Variants in DAB1 observed in about 807,000 individuals in gnomAD.
The protein encoded by DAB1 is DAB adaptor protein 1, also known as disabled homolog 1.
Under a neutral mutation model 64.6 loss-of-function variants are expected in DAB1, and 15 were observed. That is an observed-to-expected ratio of 0.23 (90% CI 0.16 to 0.36). The LOEUF is 0.36. Among genes scored for constraint, DAB1 ranks in the 10% least tolerant of loss-of-function variants. The pLI is 1.00. For synonymous variants in DAB1, 235 were observed against 251.9 expected, an observed-to-expected ratio of 0.93 and a Z score of 0.64; for missense variants, 596 against 706.7, an observed-to-expected ratio of 0.84 and a Z score of 1.78.
At chr1:58,127,263 A>C (rs1653172426) in intron 5 of DAB1, among the ~76,000 whole-genome samples, 1 of 152,176 alleles carries the variant, frequency 6.6e-6, no homozygotes, top group Admixed American at 6.5e-5. Flanking sequence ...TCTTCTTTTG[A>C]GAAGTGTCTG....
chr1:57,832,877 T>A (rs1373305215), intron 1 of DAB1, among the ~76,000 whole-genome samples: 1 of 152,184 alleles, frequency 6.6e-6, no homozygotes. Context: ...AAAACTGGCC[T>A]TAGGGAGTTA....
Position 58,209,553 on chromosome 1 carries a change from T to C in DAB1, n.310-58965A>G, listed in dbSNP as rs531650831. Among the ~76,000 whole-genome samples, 7 of 152,230 alleles carry C rather than the reference T, an allele frequency of 4.6e-5. No individual in the cohort carries two copies. In the East Asian group the frequency reaches 9.6e-4, roughly 21 times the overall value. On this transcript the variant is annotated intron_variant and non_coding_transcript_variant, in intron 4 of 20. Coordinates refer to the DAB1 transcript ENST00000485760. ...GAAAAAAAAAGCCACCATTTAGCCA[T>C]TGCATAATGTTTTCTTAAAGACCAG...
intron 4 of DAB1, among the ~76,000 whole-genome samples, chr1:58,242,133 T>C (rs1660323641): frequency 6.6e-6 from 1 of 152,056 alleles, no homozygotes; most frequent in Non-Finnish European, 1.5e-5. Context: ...TATACAACCA[T>C]TGAAAATAAT....
intron 1 of DAB1, among the ~76,000 whole-genome samples, chr1:57,339,285 AG>A (rs1677371730): frequency 6.6e-6 from 1 of 151,940 alleles, no homozygotes; most frequent in East Asian, 1.9e-4. Context: ...CCTCCCGAGC[AG>A]CTGGGACTAC....
At chr1:57,488,180 G>C (rs962957867) in intron 7 of DAB1, among the ~76,000 whole-genome samples, 1 of 152,042 alleles carries the variant, frequency 6.6e-6, no homozygotes, top group South Asian at 2.1e-4. Flanking sequence ...AAGACGGGTG[G>C]ATTACGAGGT....
intron 7 of DAB1, among the ~76,000 whole-genome samples, chr1:57,492,393 G>A (rs573216754): frequency 3.3e-5 from 5 of 152,128 alleles, no homozygotes; most frequent in Non-Finnish European, 5.9e-5. Flanking sequence ...ATTTGGGGTG[G>A]TGCTCTAATA....
At chr1:58,290,167 T>A (rs919933261) in intron 4 of DAB1, among the ~76,000 whole-genome samples, 2 of 152,156 alleles carry the variant, frequency 1.3e-5, no homozygotes, top group African/African-American at 4.8e-5. Flanking sequence ...TTCATGATCA[T>A]GTACTGGGTG....
At chr1:57,443,490 T>C (rs1686027678) in intron 7 of DAB1, among the ~76,000 whole-genome samples, 1 of 152,242 alleles carries the variant, frequency 6.6e-6, no homozygotes, top group South Asian at 2.1e-4. Flanking sequence ...TGACCTTCCT[T>C]ACTACTTTAC....
At chr1:57,381,864 G>C (rs1274516851) in intron 1 of DAB1, among the ~76,000 whole-genome samples, 2 of 152,154 alleles carry the variant, frequency 1.3e-5, no homozygotes, top group East Asian at 3.9e-4. Flanking sequence ...CGAGCTCACT[G>C]CTTTCCCAGA....
intron 6 of DAB1, among the ~76,000 whole-genome samples, chr1:57,741,118 T>C (rs1429910411): frequency 6.6e-6 from 1 of 152,166 alleles, no homozygotes; most frequent in Non-Finnish European, 1.5e-5. Context: ...GACATTAAAT[T>C]TTAAGTGCTG....
At chr1:57,177,281 C>G (rs1374402959) in intron 2 of DAB1, among the ~76,000 whole-genome samples, 1 of 151,938 alleles carries the variant, frequency 6.6e-6, no homozygotes, top group Non-Finnish European at 1.5e-5. Flanking sequence ...ATACATACAC[C>G]CAAGTTCTAA....
At chr1:57,137,277 G>A (rs543867330) in intron 3 of DAB1, among the ~76,000 whole-genome samples, 2 of 152,124 alleles carry the variant, frequency 1.3e-5, no homozygotes, top group African/African-American at 2.4e-5. Context: ...TGTCTCAAAT[G>A]TTTTATAAGC....
chr1:58,126,455 CTTTTTT>C (rs113023484), intron 5 of DAB1, among the ~76,000 whole-genome samples: 30,062 of 146,784 alleles, frequency 0.2, 3,151 homozygotes, highest in East Asian at 0.36. Flanking sequence ...TTCTTTTTTT[CTTTTTT>C]TTTTTTTATT....
Position 57,690,160 on chromosome 1 carries a change from G to C in DAB1, n.552-40495C>G, listed in dbSNP as rs1056883192. 4.6e-5 allele frequency among the ~76,000 whole-genome samples: 7 copies of C among 152,054 alleles called. 1 individual carries two copies. The highest frequency in any genetic ancestry group is 8.8e-5 in the Non-Finnish European group (6 of 67,984). On this transcript the variant is annotated intron_variant and non_coding_transcript_variant, in intron 6 of 20. Transcript: ENST00000485760. ...TATTTTCTTTATTCATTTATCTGTT[G>C]ATGGACACTTAGGTTGCTTCCAAAT...
At chr1:58,431,899 G>A (rs1337156587) in intron 3 of DAB1, among the ~76,000 whole-genome samples, 2 of 152,180 alleles carry the variant, frequency 1.3e-5, no homozygotes, top group Non-Finnish European at 2.9e-5. Flanking sequence ...GAACTCAGAG[G>A]AAAGCGTGAC....
intron 6 of DAB1, among the ~76,000 whole-genome samples, chr1:57,815,082 G>GT (rs1293237922): frequency 6.6e-6 from 1 of 150,944 alleles, no homozygotes; most frequent in Non-Finnish European, 1.5e-5. Context: ...TTGTTTGTTT[G>GT]TTTTTTTGAG....
chr1:57,861,397 T>A (rs1654020818), intron 1 of DAB1, among the ~76,000 whole-genome samples: 1 of 152,200 alleles, frequency 6.6e-6, no homozygotes, highest in African/African-American at 2.4e-5. Context: ...TGCAGCTAGT[T>A]GTCTAGCCTC....
intron 4 of DAB1, among the ~76,000 whole-genome samples, chr1:58,153,134 A>G (rs1655036893): frequency 6.6e-6 from 1 of 152,152 alleles, no homozygotes; most frequent in Non-Finnish European, 1.5e-5. Flanking sequence ...GTCAAACCCT[A>G]CCTGTCCATC....
At chr1:57,050,882 T>C (rs1649116791) in intron 9 of DAB1, among the ~76,000 whole-genome samples, 1 of 152,126 alleles carries the variant, frequency 6.6e-6, no homozygotes, top group Admixed American at 6.5e-5. Context: ...TAAATAGAAA[T>C]TGTAAGGGAA....
Sources: gnomAD v4.1 joint callset for allele counts (sites outside exome capture counted in the v4.1 genomes callset) on GRCh38, gnomAD v4.1.1 for gene constraint, MANE v1.5 for transcripts, NCBI Gene and HGNC (gene_info 2026-07-23, HGNC 2026-07-21) for gene names.